NEURL1: variants seen among roughly 807,000 people sequenced by gnomAD.
NEURL1 encodes neuralized E3 ubiquitin protein ligase 1.
NEURL1 carries 26 observed loss-of-function variants against 41.2 expected under a neutral mutation model. The observed-to-expected ratio is 0.63, with a 90% CI of 0.46 to 0.87. The LOEUF (loss-of-function observed/expected upper bound fraction) is 0.87. Ranked by LOEUF, NEURL1 falls within the 40% of genes least tolerant of loss-of-function variation. The pLI is 0.00. For missense variants in NEURL1, 761 were observed against 871.1 expected, an observed-to-expected ratio of 0.87 and a Z score of 1.59; for synonymous variants, 400 against 402.3, an observed-to-expected ratio of 0.99 and a Z score of 0.07.
At chr10:103,563,706 C>T (rs375254627) in intron 1 of NEURL1, among the ~76,000 whole-genome samples, 1 of 152,170 alleles carries the variant, frequency 6.6e-6, no homozygotes, top group East Asian at 1.9e-4. Flanking sequence ...CTGAGTTTTA[C>T]AAACACCATC....
At chr10:103,542,732 T>A (rs1013499937) in intron 1 of NEURL1, among the ~76,000 whole-genome samples, 4 of 152,198 alleles carry the variant, frequency 2.6e-5, no homozygotes, top group Non-Finnish European at 1.5e-5. Context: ...CAGCTTTGGT[T>A]TTCTCATCTG....
chr10:103,496,225 T>C (rs2986043), intron 1 of NEURL1, among the ~76,000 whole-genome samples: 9,147 of 152,292 alleles, frequency 0.06, 876 homozygotes, highest in African/African-American at 0.2. Flanking sequence ...AGGATGTTCA[T>C]GGCAGTGTTA....
At chr10:103,559,412 G>A (rs1424226478) in intron 1 of NEURL1, among the ~76,000 whole-genome samples, 3 of 152,176 alleles carry the variant, frequency 2.0e-5, no homozygotes, top group African/African-American at 7.2e-5. Flanking sequence ...GCGGGGAAGA[G>A]TGTGGGGTGG....
chr10:103,572,564 C>T lies in NEURL1; in HGVS notation c.649+742C>T, dbSNP rs145880407. Among the ~76,000 whole-genome samples the T allele has an allele frequency of 2.4e-4, 36 of 152,320 alleles. No individual in the cohort carries two copies. The East Asian group carries it at 6.4e-3, about 27-fold the overall frequency. On this transcript the variant is annotated intron_variant, in intron 3 of 5. Transcript: ENST00000369780. ...CTGGCATGCTCAGGGGCCAGGCTTC[C>T]CTGCAATGGCACAAGTACTGGGGCC...
At position 103,524,054 on chromosome 10, in the gene NEURL1, C is replaced by T. The variant is rs144771111; in HGVS notation, c.85+29582C>T. On this transcript the variant is annotated intron_variant, in intron 1 of 5. Transcript: ENST00000369780. ...TAATGGCTGTACTAATTTACATTCC[C>T]GCCTGCAGAAAGAGTTCCCCTTTCT... is the stretch of plus-strand genomic sequence containing the variant. 1.8e-4 allele frequency among the ~76,000 whole-genome samples: 28 copies of T among 152,242 alleles called. No homozygotes were observed. The South Asian group carries it at 1.9e-3, about 10-fold the overall frequency.
chr10:103,571,511 A>G lies in NEURL1; in HGVS notation c.338A>G (p.Lys113Arg). The change falls in exon 3 of 6, where the codon AAG (lysine) becomes AGG (arginine). Residue 113 changes from lysine to arginine, a missense_variant. Around this residue, in one of 5 missense-constraint regions of NEURL1, gnomAD observed 65 missense variants for 131.6 expected, o/e 0.49. Coordinates refer to ENST00000369780, the MANE Select transcript of NEURL1 (RefSeq NM_004210.5). ...CCCCCTGCCACCCAGATCACCAAGA[A>G]GCAGTGCTGCTGGAGCGGGGCCCTG... is the stretch of plus-strand genomic sequence containing the variant. ...YEQVRLKITKKQCCWSGALRL... is the reference protein window; with the variant it reads ...YEQVRLKITKRQCCWSGALRL... The G allele has an allele frequency of 1.2e-6, 2 of 1,604,028 alleles. No homozygotes were observed. The highest frequency in any genetic ancestry group is 1.7e-6 in the Non-Finnish European group (2 of 1,179,008).
intron 1 of NEURL1, among the ~76,000 whole-genome samples, chr10:103,544,236 C>T (rs909771832): frequency 1.3e-5 from 2 of 152,138 alleles, no homozygotes; most frequent in East Asian, 1.9e-4. Context: ...ACCAGATTTC[C>T]GGCCTGGATA....
At chr10:103,581,936 A>T (rs1386384952) in intron 3 of NEURL1, among the ~76,000 whole-genome samples, 2 of 152,220 alleles carry the variant, frequency 1.3e-5, no homozygotes, top group African/African-American at 4.8e-5. Flanking sequence ...ACAATGGAAC[A>T]GGTTGCCTGG....
At chr10:103,510,436 G>T (rs996029849) in intron 1 of NEURL1, among the ~76,000 whole-genome samples, 1 of 152,214 alleles carries the variant, frequency 6.6e-6, no homozygotes, top group East Asian at 1.9e-4. Context: ...AGCGGCCCCT[G>T]GGGAGAGTGA....
chr10:103,566,008 G>A lies in NEURL1; in HGVS notation c.86-4864G>A, dbSNP rs1465059789. On this transcript the variant is annotated intron_variant, in intron 1 of 5. Transcript: ENST00000369780. The surrounding 1 kb of genome is among the most constrained non-coding windows in gnomAD (Gnocchi z 4.2). ...GTATATAGTAAAACTCGTCCTTTTC[G>A]AGTGTACAGTTTTGTGAGTTTTTAC... is the stretch of plus-strand genomic sequence containing the variant. Among the ~76,000 whole-genome samples, 1 of 152,122 alleles carries A rather than the reference G, an allele frequency of 6.6e-6. No individual in the cohort carries two copies. The highest frequency in any genetic ancestry group is 2.4e-5 in the African/African-American group (1 of 41,414).
At position 103,585,016 on chromosome 10, in the gene NEURL1, T is replaced by G; in HGVS notation, c.1130T>G (p.Leu377Arg). 2 of 1,580,894 alleles carry G rather than the reference T, an allele frequency of 1.3e-6. No individual in the cohort carries two copies. Among genetic ancestry groups the G allele is most frequent in the Non-Finnish European group, 1.7e-6 (2 of 1,171,888 alleles). The change falls in exon 4 of 6, where the codon CTG becomes CGG. Residue 377 changes from leucine to arginine, a missense_variant. Coordinates refer to ENST00000369780, the MANE Select transcript of NEURL1 (RefSeq NM_004210.5). ...PADLPFSPEA[L>R]VDRKEFWAVC... ...GACCTGCCTTTCAGCCCTGAGGCCC[T>G]GGTGGACCGCAAGGAATTCTGGGCC... is the stretch of plus-strand genomic sequence containing the variant.
At chr10:103,576,649 G>T (rs2035672323) in intron 3 of NEURL1, among the ~76,000 whole-genome samples, 1 of 152,198 alleles carries the variant, frequency 6.6e-6, no homozygotes, top group South Asian at 2.1e-4. Flanking sequence ...TGATCTGGGA[G>T]TAAGGTCAGA....
intron 1 of NEURL1, among the ~76,000 whole-genome samples, chr10:103,504,270 C>T (rs180924350): frequency 3.9e-5 from 6 of 152,042 alleles, no homozygotes; most frequent in Non-Finnish European, 8.8e-5. Flanking sequence ...GGATTACAGG[C>T]GGGAGCCACT....
chr10:103,541,990 G>T (rs1193332860), intron 1 of NEURL1, among the ~76,000 whole-genome samples: 1 of 152,132 alleles, frequency 6.6e-6, no homozygotes, highest in Non-Finnish European at 1.5e-5. Flanking sequence ...AAAGGAGAAC[G>T]ACCCCTATGT....
At position 103,545,047 on chromosome 10, in the gene NEURL1, G is replaced by A. The variant is rs979589543; in HGVS notation, c.86-25825G>A. Among the ~76,000 whole-genome samples, 19 of 152,232 alleles carry A rather than the reference G, an allele frequency of 1.2e-4. No individual in the cohort carries two copies. Among genetic ancestry groups the A allele is most frequent in the African/African-American group, 4.1e-4 (17 of 41,468 alleles). Reference sequence around the variant, plus strand: ...AAGTAATCCCGAAGAGGGAGGTGTCGGGGGACAGGAGCCTGAGAGAAGTTA... The same window carrying A: ...AAGTAATCCCGAAGAGGGAGGTGTCAGGGGACAGGAGCCTGAGAGAAGTTA... On this transcript the variant is annotated intron_variant, in intron 1 of 5. Transcript: ENST00000369780. This position sits in a 1 kb window ranked among gnomAD's most constrained non-coding sequence, Gnocchi z 4.5.
At chr10:103,526,497 C>T (rs1428877377) in intron 1 of NEURL1, among the ~76,000 whole-genome samples, 1 of 151,770 alleles carries the variant, frequency 6.6e-6, no homozygotes, top group Admixed American at 6.6e-5. Flanking sequence ...TCAATTTCTG[C>T]TAGGTTTTCT....
chr10:103,506,130 G>T (rs1281287333), intron 1 of NEURL1, among the ~76,000 whole-genome samples: 4 of 152,224 alleles, frequency 2.6e-5, no homozygotes, highest in Non-Finnish European at 4.4e-5. Flanking sequence ...ACGTTGACAG[G>T]CGAGGTTGCT....
chr10:103,588,687 C>T (rs2133887237), intron 4 of NEURL1: 1 of 426,636 alleles, frequency 2.3e-6, no homozygotes, highest in African/African-American at 2.0e-5. Flanking sequence ...CGGCTCACCC[C>T]AGCAATCCCA....
intron 1 of NEURL1, among the ~76,000 whole-genome samples, chr10:103,562,575 G>A (rs2035320590): frequency 6.6e-6 from 1 of 152,184 alleles, no homozygotes; most frequent in Non-Finnish European, 1.5e-5. Flanking sequence ...CATTCTGGAT[G>A]CAGAAGAGAC....
Sources: allele counts gnomAD v4.1 joint callset (sites outside exome capture counted in the v4.1 genomes callset), GRCh38; gene constraint gnomAD v4.1.1; regional missense constraint gnomAD v4.1.1; non-coding constraint Gnocchi (gnomAD v3.1); transcripts MANE v1.5; gene names NCBI Gene and HGNC (gene_info 2026-07-23, HGNC 2026-07-21).